ABLIM3: variants seen among roughly 807,000 people sequenced by gnomAD.
ABLIM3 encodes actin binding LIM protein family member 3.
ABLIM3 carries 61 observed loss-of-function variants against 109.5 expected under a neutral mutation model. That is an observed-to-expected ratio of 0.56 (90% confidence interval 0.45 to 0.69). ABLIM3 has a LOEUF of 0.69. ABLIM3 is among the 30% of genes least tolerant of loss of function. The pLI is 0.00. For missense variants in ABLIM3, 796 were observed against 889.5 expected (o/e 0.89, Z 1.34); for synonymous variants, 300 against 324.8 (o/e 0.92, Z 0.82).
At position 149,146,800 on chromosome 5, in the gene ABLIM3, G is replaced by A. The variant is rs189256367; in HGVS notation, c.13+4692G>A. ...TTAGGATTGTTTTGATAATTTGGGCGCTTTTATGAGTTCACATGAATTTTA... is the reference window on the plus strand; with the variant it reads ...TTAGGATTGTTTTGATAATTTGGGCACTTTTATGAGTTCACATGAATTTTA... On this transcript the variant is annotated intron_variant, in intron 2 of 23. Coordinates refer to ENST00000309868, the MANE Select transcript of ABLIM3 (RefSeq NM_014945.5). 2.4e-4 allele frequency among the ~76,000 whole-genome samples: 37 copies of A among 152,146 alleles called. 1 individual carries two copies. Among genetic ancestry groups the A allele is most frequent in the Non-Finnish European group, 3.4e-4 (23 of 67,972 alleles).
chr5:149,192,141 C>G (rs1236683222), intron 3 of ABLIM3, among the ~76,000 whole-genome samples: 3 of 151,956 alleles, frequency 2.0e-5, no homozygotes, highest in African/African-American at 7.3e-5. Flanking sequence ...GTCATGACTT[C>G]TGTTCAACAT....
intron 23 of ABLIM3, 25 bp from the exon 24 acceptor site, chr5:149,258,266 C>T (rs1415851425): frequency 1.9e-6 from 3 of 1,602,464 alleles, no homozygotes; most frequent in East Asian, 2.2e-5. Context: ...TGTCCCCCCA[C>T]CCCCGCCTGC....
chr5:149,143,941 T>A (rs1752706507), intron 2 of ABLIM3, among the ~76,000 whole-genome samples: 1 of 152,226 alleles, frequency 6.6e-6, no homozygotes, highest in African/African-American at 2.4e-5. Context: ...TCATCTATTT[T>A]TCAAGGAACT....
intron 3 of ABLIM3, among the ~76,000 whole-genome samples, chr5:149,189,129 A>G (rs1757247873): frequency 6.6e-6 from 1 of 152,158 alleles, no homozygotes; most frequent in South Asian, 2.1e-4. Flanking sequence ...TTTCAAAAAA[A>G]GGTGTTTGGA....
At chr5:149,222,430 C>G (rs1387476084) in intron 8 of ABLIM3, among the ~76,000 whole-genome samples, 1 of 152,020 alleles carries the variant, frequency 6.6e-6, no homozygotes, top group Non-Finnish European at 1.5e-5. Flanking sequence ...GCCTTTTGAA[C>G]TCTATGAGTC....
intron 3 of ABLIM3, among the ~76,000 whole-genome samples, chr5:149,194,775 A>G (rs1466078693): frequency 6.6e-6 from 1 of 152,222 alleles, no homozygotes; most frequent in East Asian, 1.9e-4. Flanking sequence ...AAGACTATAA[A>G]GTAAAGCAAG....
chr5:149,220,556 TGTGA>T (rs1322423674), intron 8 of ABLIM3: 2 of 152,172 alleles, frequency 1.3e-5, no homozygotes, highest in African/African-American at 2.4e-5. Flanking sequence ...TCACTTGGGC[TGTGA>T]GTGTCTTGTG....
At chr5:149,196,478 C>T (rs1023920906) in intron 3 of ABLIM3, among the ~76,000 whole-genome samples, 4 of 152,170 alleles carry the variant, frequency 2.6e-5, no homozygotes, top group South Asian at 4.1e-4. Flanking sequence ...GTAGAAAGCC[C>T]GAATACCTGT....
In ABLIM3 at chr5:149,183,735, T is replaced by C. The variant is rs545649161; in HGVS notation, c.151+146T>C. On this transcript the variant is annotated intron_variant, in intron 3 of 23. Transcript: ENST00000309868. ...GAGACTTTCCCTGAGCCTCTTCTTA[T>C]GAGATTCTCCCTTAGAATGAGGGCA... is the stretch of plus-strand genomic sequence containing the variant. The C allele has an allele frequency of 8.1e-6, 8 of 989,432 alleles. No homozygotes were observed. In the South Asian group the frequency reaches 1.3e-4, roughly 16 times the overall value. The allele number at this position is 989,432 out of a possible 1,614,324, so 61.3% of individuals were successfully genotyped here.
chr5:149,213,559 A>C (rs1392958928), intron 7 of ABLIM3, among the ~76,000 whole-genome samples: 2 of 152,218 alleles, frequency 1.3e-5, no homozygotes, highest in African/African-American at 4.8e-5. Context: ...TTGAAGGGTC[A>C]ATGCGGTGGG....
In ABLIM3 at chr5:149,242,482, G is replaced by A; in HGVS notation, c.1304-9G>A. On this transcript the variant is annotated splice_polypyrimidine_tract_variant and intron_variant, in intron 14 of 23. Transcript: ENST00000309868. ...CCTCCCCACTGTCCCTTCCTGGTCT[G>A]TCTGGCAGCTGGAGACAGTAACATC... 1 of 1,613,970 alleles carries A rather than the reference G, an allele frequency of 6.2e-7. No individual in the cohort carries two copies. Among genetic ancestry groups the A allele is most frequent in the Admixed American group, 1.7e-5 (1 of 60,018 alleles).
chr5:149,151,439 G>A (rs914625752), intron 2 of ABLIM3, among the ~76,000 whole-genome samples: 3 of 152,228 alleles, frequency 2.0e-5, no homozygotes, highest in Non-Finnish European at 2.9e-5. Flanking sequence ...TGTTTGTTAA[G>A]GAAATGACTC....
intron 14 of ABLIM3, among the ~76,000 whole-genome samples, chr5:149,241,785 C>G (rs915967493): frequency 6.6e-6 from 1 of 151,994 alleles, no homozygotes; most frequent in African/African-American, 2.4e-5. Context: ...GAAGAGCCAG[C>G]CTATGAAGAA....
At chr5:149,191,909 G>C (rs1168494432) in intron 3 of ABLIM3, among the ~76,000 whole-genome samples, 1 of 152,150 alleles carries the variant, frequency 6.6e-6, no homozygotes, top group Non-Finnish European at 1.5e-5. Context: ...CCAGGCTGGA[G>C]TGCAGTGGCA....
At chr5:149,189,065 TTGG>T (rs1468816522) in intron 3 of ABLIM3, among the ~76,000 whole-genome samples, 3 of 152,190 alleles carry the variant, frequency 2.0e-5, no homozygotes, top group Admixed American at 6.5e-5. Flanking sequence ...ATATTTATGG[TTGG>T]TTAATTTTCA....
At chr5:149,152,663 C>G (rs1753538621) in intron 2 of ABLIM3, among the ~76,000 whole-genome samples, 2 of 152,052 alleles carry the variant, frequency 1.3e-5, no homozygotes, top group African/African-American at 4.8e-5. Flanking sequence ...TTTTCTAGCC[C>G]AAAAGAGGGC....
intron 8 of ABLIM3, among the ~76,000 whole-genome samples, chr5:149,224,289 G>A (rs906422685): frequency 2.0e-5 from 3 of 152,156 alleles, no homozygotes; most frequent in East Asian, 1.9e-4. Context: ...ATTATTTCTC[G>A]TGAATTACAA....
At chr5:149,157,246 C>A (rs577529277) in intron 2 of ABLIM3, among the ~76,000 whole-genome samples, 24 of 152,292 alleles carry the variant, frequency 1.6e-4, no homozygotes, top group African/African-American at 5.8e-4. Flanking sequence ...TCTTCAGAGG[C>A]AGAGAATGAT....
At chr5:149,257,484 T>G (rs1334589708) in intron 23 of ABLIM3, among the ~76,000 whole-genome samples, 1 of 152,234 alleles carries the variant, frequency 6.6e-6, no homozygotes, top group Non-Finnish European at 1.5e-5. Flanking sequence ...CTTTGTAAAC[T>G]TAATTTTAAA....
Sources: gnomAD v4.1 joint callset for allele counts (sites outside exome capture counted in the v4.1 genomes callset) on GRCh38, gnomAD v4.1.1 for gene constraint, MANE v1.5 for transcripts, NCBI Gene and HGNC (gene_info 2026-07-23, HGNC 2026-07-21) for gene names.